The following DPYSL5 variants were observed in gnomAD, a reference collection of about 807,000 sequenced individuals.
DPYSL5 encodes dihydropyrimidinase like 5, also known as dihydropyrimidinase-related protein 5.
Under a neutral mutation model 58.4 loss-of-function variants are expected in DPYSL5, and 9 were observed. The ratio of observed to expected loss-of-function variants is 0.15; its 90% CI spans 0.09 to 0.27. The LOEUF is 0.27. DPYSL5 is among the 10% of genes least tolerant of loss of function. DPYSL5 has a pLI of 1.00. For missense variants in DPYSL5, 499 were observed against 770.6 expected (o/e 0.65, Z 4.17); for synonymous variants, 293 against 301.9 (o/e 0.97, Z 0.31).
intron 1 of DPYSL5, among the ~76,000 whole-genome samples, chr2:26,881,625 C>A (rs754517670): frequency 6.6e-6 from 1 of 152,154 alleles, no homozygotes; most frequent in African/African-American, 2.4e-5. Flanking sequence ...TTTGATTGGG[C>A]AGAAGCATTA....
intron 1 of DPYSL5, among the ~76,000 whole-genome samples, chr2:26,895,347 C>A (rs1218207921): frequency 6.6e-6 from 1 of 152,200 alleles, no homozygotes; most frequent in Non-Finnish European, 1.5e-5. Context: ...GTCTTCCAAT[C>A]CATGAACATG....
Position 26,932,098 on chromosome 2 carries a change from AG to A in DPYSL5, c.714+415del, listed in dbSNP as rs1406010486. ...GAAAGAAAGAAAAGAAAAAAGAAAGAGAAAGAAAGAAAAGAAAAAAGAAAGA... is the reference window on the plus strand; with the variant it reads ...GAAAGAAAGAAAAGAAAAAAGAAAGAAAAGAAAGAAAAGAAAAAAGAAAGA... On this transcript the variant is annotated intron_variant, in intron 6 of 12. Transcript: ENST00000288699. Among the ~76,000 whole-genome samples the A allele has an allele frequency of 2.3e-3, 68 of 29,612 alleles. 2 individuals carry two copies. Among genetic ancestry groups the A allele is most frequent in the Middle Eastern group, 0.019 (1 of 54 alleles). 19.4% of individuals were successfully genotyped at this position (29,612 alleles called of 152,430 possible).
chr2:26,890,427 G>A (rs547553756), intron 1 of DPYSL5, among the ~76,000 whole-genome samples: 2 of 152,338 alleles, frequency 1.3e-5, no homozygotes, highest in Admixed American at 1.3e-4. Context: ...AGGCAACTGT[G>A]CTACGATATT....
At chr2:26,855,940 C>T (rs1665867577) in intron 1 of DPYSL5, among the ~76,000 whole-genome samples, 2 of 152,072 alleles carry the variant, frequency 1.3e-5, no homozygotes, top group South Asian at 2.1e-4. Flanking sequence ...TATCTTTTTG[C>T]TCTTGTTTCC....
At chr2:26,888,209 T>TTTTC (rs70953832) in intron 1 of DPYSL5, among the ~76,000 whole-genome samples, 13,157 of 104,744 alleles carry the variant, frequency 0.13, 1,312 homozygotes, top group Non-Finnish European at 0.17. Flanking sequence ...CTTCCCTTTC[T>TTTTC]TTTCTTTCTT....
At chr2:26,941,006 G>A (rs547624081) in intron 9 of DPYSL5, among the ~76,000 whole-genome samples, 231 of 149,832 alleles carry the variant, frequency 1.5e-3, no homozygotes, top group Non-Finnish European at 2.5e-3. Flanking sequence ...GCGCTGTCTC[G>A]GCTCACTGCA....
In DPYSL5 at chr2:26,949,654, C is replaced by T. The variant is rs1221104597; in HGVS notation, c.*2659C>T. The T allele has an allele frequency of 6.6e-6, 1 of 152,300 alleles. No homozygotes were observed. Among genetic ancestry groups the T allele is most frequent in the African/African-American group, 2.4e-5 (1 of 41,442 alleles). The allele number at this position is 152,300 out of a possible 1,614,324, so 9.4% of individuals were successfully genotyped here. A position where few individuals can be genotyped will look rare whatever the true frequency, so the allele number is the denominator to read the frequency against. ...CCTGAGAGATGTGTGACCCGTGGCA[C>T]CAGGGAACCACGTCTTGGAGTGGTC... is the stretch of plus-strand genomic sequence containing the variant. On this transcript the variant is annotated 3_prime_UTR_variant, in exon 13 of 13. Transcript: ENST00000288699.
intron 1 of DPYSL5, among the ~76,000 whole-genome samples, chr2:26,851,748 G>T (rs1665762093): frequency 6.6e-6 from 1 of 152,096 alleles, no homozygotes; most frequent in Non-Finnish European, 1.5e-5. Flanking sequence ...TTCGAGACCA[G>T]CCTGGCCAAC....
At chr2:26,884,521 C>G (rs1663662305) in intron 1 of DPYSL5, among the ~76,000 whole-genome samples, 1 of 37,854 alleles carries the variant, frequency 2.6e-5, no homozygotes, top group Non-Finnish European at 4.7e-5. Flanking sequence ...TGTCCTATCT[C>G]ACACACACAC....
intron 6 of DPYSL5, among the ~76,000 whole-genome samples, chr2:26,932,103 GAAAGAAAAGAAA>G (rs1182333003): frequency 9.5e-6 from 1 of 104,964 alleles, no homozygotes; most frequent in African/African-American, 3.7e-5. Flanking sequence ...GAAAGAGAAA[GAAAGAAAAGAAA>G]AAAGAAAGAG....
At chr2:26,882,243 T>G (rs1371865141) in intron 1 of DPYSL5, among the ~76,000 whole-genome samples, 1 of 152,066 alleles carries the variant, frequency 6.6e-6, no homozygotes, top group East Asian at 1.9e-4. Flanking sequence ...AGTACAATAT[T>G]TACTTATTTA....
intron 1 of DPYSL5, among the ~76,000 whole-genome samples, chr2:26,888,290 T>C (rs1233991551): frequency 5.3e-5 from 8 of 151,752 alleles, no homozygotes; most frequent in Admixed American, 3.9e-4. Context: ...TCTTTCTTTC[T>C]TTCTTTCATC....
chr2:26,928,250 T>C lies in DPYSL5; in HGVS notation c.601-5T>C. ...CTCCATTTTCTTTCTCTTGCTGTTA[T>C]CCAGGGTGCTAAGGAGGCACTGGAT... is the stretch of plus-strand genomic sequence containing the variant. On this transcript the variant is annotated splice_region_variant and splice_polypyrimidine_tract_variant and intron_variant, in intron 4 of 12. Coordinates refer to ENST00000288699, the MANE Select transcript of DPYSL5 (RefSeq NM_020134.4). 1.2e-6 allele frequency: 2 copies of C among 1,613,908 alleles called. No homozygotes were observed. Among genetic ancestry groups the C allele is most frequent in the South Asian group, 1.1e-5 (1 of 91,072 alleles).
At chr2:26,910,268 T>C (rs1357167238) in intron 2 of DPYSL5, among the ~76,000 whole-genome samples, 1 of 152,238 alleles carries the variant, frequency 6.6e-6, no homozygotes, top group Admixed American at 6.5e-5. Flanking sequence ...ATGTGTCTGT[T>C]TTATGGTAGG....
intron 1 of DPYSL5, among the ~76,000 whole-genome samples, chr2:26,882,429 C>CTG (rs145178218): frequency 0.055 from 7,961 of 145,944 alleles, 210 homozygotes; most frequent in African/African-American, 0.071. Flanking sequence ...GTGTGTGTGT[C>CTG]TGTGTGTGTG....
intron 1 of DPYSL5, among the ~76,000 whole-genome samples, chr2:26,850,677 C>CA (rs1665729026): frequency 6.6e-6 from 1 of 152,170 alleles, no homozygotes; most frequent in African/African-American, 2.4e-5. Flanking sequence ...CTTGAAATCT[C>CA]AGGATTTGCT....
At chr2:26,939,882 A>G in intron 8 of DPYSL5, 149 bp from the exon 9 acceptor site, 1 of 992,888 alleles carries the variant, frequency 1.0e-6, no homozygotes, top group Non-Finnish European at 1.5e-6. Context: ...GCAGTAACTC[A>G]CGACAGACCA....
chr2:26,889,676 A>G (rs1288698308), intron 1 of DPYSL5, among the ~76,000 whole-genome samples: 1 of 151,888 alleles, frequency 6.6e-6, no homozygotes, highest in Non-Finnish European at 1.5e-5. Context: ...GGTGCTTAAG[A>G]ACCTGCATAG....
intron 1 of DPYSL5, among the ~76,000 whole-genome samples, chr2:26,875,454 A>G (rs1663387764): frequency 6.6e-6 from 1 of 152,230 alleles, no homozygotes; most frequent in African/African-American, 2.4e-5. Flanking sequence ...TCCCTGAGGA[A>G]GGTGATGGGC....
Sources: gnomAD v4.1 joint callset for allele counts (sites outside exome capture counted in the v4.1 genomes callset) on GRCh38, gnomAD v4.1.1 for gene constraint, MANE v1.5 for transcripts, NCBI Gene and HGNC (gene_info 2026-07-23, HGNC 2026-07-21) for gene names.